ARAP1: variants seen among roughly 807,000 people sequenced by gnomAD.
ARAP1 encodes the protein arf-GAP with Rho-GAP domain, ANK repeat and PH domain-containing protein 1.
ARAP1 carries 76 observed loss-of-function variants against 172.2 expected under a neutral mutation model. The ratio of observed to expected loss-of-function variants is 0.44; its 90% CI spans 0.37 to 0.53. The LOEUF (loss-of-function observed/expected upper bound fraction) is 0.53. Among genes scored for constraint, ARAP1 ranks in the 20% least tolerant of loss-of-function variants. The probability of loss-of-function intolerance (pLI) is 0.00; values close to 1 mark genes in which losing one functional copy is unlikely to be tolerated. For synonymous variants in ARAP1, 804 were observed against 803.3 expected (o/e 1.00, Z -0.01); for missense variants, 1,686 against 1,977.5 (o/e 0.85, Z 2.80).
rs111642961 is a variant in ARAP1 at position 72,712,062 on chromosome 11, A to G, written c.1022+134T>C. ...TCATCAGTGGTCACAGTGTGCCTGGAGGGAGACCTGTGCAAATCATCGCAG... is the reference window on the plus strand; with the variant it reads ...TCATCAGTGGTCACAGTGTGCCTGGGGGGAGACCTGTGCAAATCATCGCAG... On this transcript the variant is annotated intron_variant, in intron 7 of 34. Coordinates refer to ENST00000393609, the MANE Select transcript of ARAP1 (RefSeq NM_001040118.3). 1,922 of 1,249,712 alleles carry G rather than the reference A, an allele frequency of 1.5e-3. 33 individuals are homozygous for G. In the African/African-American group the frequency reaches 0.027, roughly 17 times the overall value. The allele number at this position is 1,249,712 out of a possible 1,614,324, so 77.4% of individuals were successfully genotyped here.
intron 13 of ARAP1, 97 bp from the exon 14 acceptor site, chr11:72,704,431 G>A (rs1049337850): frequency 1.6e-5 from 21 of 1,326,532 alleles, no homozygotes; most frequent in Admixed American, 2.9e-5. Flanking sequence ...AAGGGGCTGG[G>A]AGAGCCAGGC....
rs1327485551 is a variant in ARAP1 at position 72,693,978 on chromosome 11, T to C, written c.3695-173A>G. Among the ~76,000 whole-genome samples, 3 of 152,038 alleles carry C rather than the reference T, an allele frequency of 2.0e-5. No homozygotes were observed. The highest frequency in any genetic ancestry group is 4.8e-5 in the African/African-American group (2 of 41,384). ...CCTTCCCATGACCAAGCTTCAGGCT[T>C]GACACACCTGGCTGTGACCAAAGCT... On this transcript the variant is annotated intron_variant, in intron 27 of 34. Transcript: ENST00000393609. The surrounding 1 kb of genome is among the most constrained non-coding windows in gnomAD (Gnocchi z 4.6).
At chr11:72,720,524 G>A (rs1342354304) in intron 3 of ARAP1, among the ~76,000 whole-genome samples, 1 of 152,188 alleles carries the variant, frequency 6.6e-6, no homozygotes, top group Admixed American at 6.5e-5. Flanking sequence ...GCCGCCAGCA[G>A]TTCCCAGCAC....
In ARAP1 at chr11:72,685,176, GAA is replaced by G. The variant is rs1422306574; in HGVS notation, c.*486_*487del. 1 of 162,854 alleles carries G rather than the reference GAA, an allele frequency of 6.1e-6. No individual in the cohort carries two copies. The highest frequency in any genetic ancestry group is 2.4e-5 in the African/African-American group (1 of 41,574). The allele number at this position is 162,854 out of a possible 1,614,324, so 10.1% of individuals were successfully genotyped here. On this transcript the variant is annotated 3_prime_UTR_variant, in exon 35 of 35. Coordinates refer to ENST00000393609, the MANE Select transcript of ARAP1 (RefSeq NM_001040118.3). The stretch of plus-strand genomic sequence containing the variant: ...CTCAGCCCAGACTGGAAGGAAGGCT[GAA>G]GTCCCCAAAGCGCAGCTCTCAGCCC...
intron 30 of ARAP1, among the ~76,000 whole-genome samples, chr11:72,689,697 T>C (rs944178040): frequency 5.3e-5 from 8 of 152,170 alleles, no homozygotes; most frequent in Non-Finnish European, 1.0e-4. Flanking sequence ...CACTCTGCTT[T>C]TACCCCGATA....
Position 72,707,384 on chromosome 11 carries a change from T to C in ARAP1, c.1524-10A>G, listed in dbSNP as rs574863881. ...TGAGTCAGCAGAGAAGCTGGGGACA[T>C]AGGGGTGGGGAGATTAGTGGGGATG... is the stretch of plus-strand genomic sequence containing the variant. On this transcript the variant is annotated splice_polypyrimidine_tract_variant and intron_variant, in intron 11 of 34. Transcript: ENST00000393609. 1.2e-6 allele frequency: 2 copies of C among 1,607,908 alleles called. No homozygotes were observed. The highest frequency in any genetic ancestry group is 1.1e-5 in the South Asian group (1 of 90,214).
chr11:72,698,710 G>A (rs927430875), intron 18 of ARAP1, among the ~76,000 whole-genome samples: 10 of 152,154 alleles, frequency 6.6e-5, no homozygotes, highest in African/African-American at 2.2e-4. Context: ...TCTGGAGGCC[G>A]CACTGTCCAT....
chr11:72,739,039 G>A (rs527474005), intron 1 of ARAP1, among the ~76,000 whole-genome samples: 10 of 152,294 alleles, frequency 6.6e-5, no homozygotes, highest in African/African-American at 2.2e-4. Context: ...AGGCACTTCC[G>A]CAGATATGAG....
chr11:72,742,890 T>A (rs1264966704), intron 1 of ARAP1, among the ~76,000 whole-genome samples: 1 of 152,210 alleles, frequency 6.6e-6, no homozygotes, highest in African/African-American at 2.4e-5. Context: ...GCAGCCGGCC[T>A]GCCAGGCCTG....
In ARAP1 at chr11:72,714,226, G is replaced by A; in HGVS notation, c.605C>T (p.Pro202Leu). The stretch of plus-strand genomic sequence containing the variant: ...GGGAGGTGGAGAGGGAGGCTGGGGA[G>A]GCCCCTGGGGGAGGGTGGACAGGGG... ...EEPLSTLPQG[P>L]PQPPSPPPCP... Residue 202 changes from proline (P) to leucine (L), a missense_variant, in exon 4 of 35, where the codon CCT (proline) becomes CTT (leucine). Around this residue, in one of 5 missense-constraint regions of ARAP1, gnomAD observed 155 missense variants for 129.2 expected, o/e 1.20. Transcript: ENST00000393609. The A allele has an allele frequency of 6.6e-7, 1 of 1,521,238 alleles. No homozygotes were observed. The highest frequency in any genetic ancestry group is 2.5e-5 in the East Asian group (1 of 39,348). The allele number at this position is 1,521,238 out of a possible 1,614,324, so 94.2% of individuals were successfully genotyped here.
Position 72,685,611 on chromosome 11 carries a change from G to C in ARAP1, c.*53C>G, listed in dbSNP as rs770362708. ...AGGCCTTGGAGCATAAGGGGTGTCTGAACAGAAGGCTTCCAGCGGCGGAAT... is the reference window on the plus strand; with the variant it reads ...AGGCCTTGGAGCATAAGGGGTGTCTCAACAGAAGGCTTCCAGCGGCGGAAT... On this transcript the variant is annotated 3_prime_UTR_variant, in exon 35 of 35. Coordinates refer to ENST00000393609, the MANE Select transcript of ARAP1 (RefSeq NM_001040118.3). The C allele has an allele frequency of 1.5e-5, 24 of 1,613,694 alleles. No homozygotes were observed. Among genetic ancestry groups the C allele is most frequent in the Non-Finnish European group, 1.9e-5 (22 of 1,179,576 alleles).
Position 72,687,472 on chromosome 11 carries a change from G to C in ARAP1, c.4152C>G (p.Leu1384=). The C allele has an allele frequency of 6.2e-7, 1 of 1,614,100 alleles. No homozygotes were observed. Among genetic ancestry groups the C allele is most frequent in the African/African-American group, 1.3e-5 (1 of 75,006 alleles). The change falls in exon 33 of 35, where the codon CTC becomes CTG. Residue 1384 remains leucine, a synonymous_variant. Coordinates refer to ENST00000393609, the MANE Select transcript of ARAP1 (RefSeq NM_001040118.3). Reference sequence around the variant, plus strand: ...ACAGAAAGGTAGCGAACCACTCCCGGAGCTCCATCTGTGTGTCACAGCAGA... The same window carrying C: ...ACAGAAAGGTAGCGAACCACTCCCGCAGCTCCATCTGTGTGTCACAGCAGA... ...WYLCCDTQME[L]REWFATFLFV... is the part of the protein sequence containing the mutation.
At chr11:72,730,686 TGTC>T (rs1328604555) in intron 2 of ARAP1, among the ~76,000 whole-genome samples, 1 of 152,126 alleles carries the variant, frequency 6.6e-6, no homozygotes. Flanking sequence ...GGGGACACTT[TGTC>T]CTCCCGCCTC....
rs770596296 is a variant in ARAP1, at chr11:72,725,396, C to T, written c.509+1224G>A. Among the ~76,000 whole-genome samples the T allele has an allele frequency of 3.6e-4, 55 of 152,024 alleles. No individual in the cohort carries two copies. The highest frequency in any genetic ancestry group is 5.6e-4 in the Non-Finnish European group (38 of 68,000). On this transcript the variant is annotated intron_variant, in intron 3 of 34. Transcript: ENST00000393609. This position sits in a 1 kb window ranked among gnomAD's most constrained non-coding sequence, Gnocchi z 4.3. ...GCTCCTGCATGCAGAAGAATGGTCA[C>T]TAGAGGGCGCAAGGGCACCAGGAAC...
At position 72,710,466 on chromosome 11, in the gene ARAP1, G is replaced by A. The variant is rs1450718499; in HGVS notation, c.1335C>T (p.Gly445=). Residue 445 remains glycine (G), a synonymous_variant, in exon 10 of 35, where the codon GGC becomes GGT. Coordinates refer to ENST00000393609, the MANE Select transcript of ARAP1 (RefSeq NM_001040118.3). The surrounding 1 kb of genome is among the most constrained non-coding windows in gnomAD (Gnocchi z 4.3). ...TCTTGAAGCCACGAAGCTCCAGGCT[G>A]CCAGCGCGGTCAGGCTGCTCTGAGC... The part of the protein sequence containing the change: ...VPGSEQPDRA[G]SLELRGFKNK... 1 of 1,614,120 alleles carries A rather than the reference G, an allele frequency of 6.2e-7. No homozygotes were observed. The highest frequency in any genetic ancestry group is 1.7e-5 in the Admixed American group (1 of 60,026).
Position 72,697,259 on chromosome 11 carries a change from A to C in ARAP1, c.2953+64T>G. ...ATAGAGTCATGGGGCGGGGCCGCGCAGCTCTGGGGCGGGAGGCGGCTCTCC... is the reference window on the plus strand; with the variant it reads ...ATAGAGTCATGGGGCGGGGCCGCGCCGCTCTGGGGCGGGAGGCGGCTCTCC... On this transcript the variant is annotated intron_variant, in intron 21 of 34. Transcript: ENST00000393609. 2.5e-6 allele frequency: 4 copies of C among 1,569,382 alleles called. No individual in the cohort carries two copies. In the South Asian group the frequency reaches 4.5e-5, roughly 18 times the overall value.
chr11:72,689,496 C>G (rs182879113), intron 30 of ARAP1: 1 of 152,320 alleles, frequency 6.6e-6, no homozygotes, highest in African/African-American at 2.4e-5. Flanking sequence ...TGTTCCCCAC[C>G]ATTGCTCCCA....
Position 72,710,087 on chromosome 11 carries a change from C to G in ARAP1, c.1417-111G>C. On this transcript the variant is annotated intron_variant, in intron 10 of 34. Transcript: ENST00000393609. This position sits in a 1 kb window ranked among gnomAD's most constrained non-coding sequence, Gnocchi z 4.3. ...CAACTCAGGGACTGGGGGGGGTGCCCAGGAGGGAGACAGCAGGGGACATGG... is the reference window on the plus strand; with the variant it reads ...CAACTCAGGGACTGGGGGGGGTGCCGAGGAGGGAGACAGCAGGGGACATGG... The G allele has an allele frequency of 1.0e-6, 1 of 1,002,546 alleles. No individual in the cohort carries two copies. The highest frequency in any genetic ancestry group is 1.3e-5 in the South Asian group (1 of 75,798). 62.1% of individuals were successfully genotyped at this position (1,002,546 alleles called of 1,614,324 possible). A position where few individuals can be genotyped will look rare whatever the true frequency, so the allele number is the denominator to read the frequency against.
rs778865505 is a variant in ARAP1 at position 72,702,914 on chromosome 11, G to C, written c.2158C>G (p.Arg720Gly). ...CCTCTGCCACGCTCACCTGTGGTCC[G>C]GTTGTTCCGAAGGAATTCCATCTGC... ...TLQMEFLRNN[R>G]TTEVPRLDSM... The change falls in exon 15 of 35, where the codon CGG (arginine) becomes GGG (glycine). Residue 720 changes from arginine (R) to glycine (G), a missense_variant. Physicochemically the swap from Arg to Gly is moderately radical, Grantham distance 125 (BLOSUM62 -2). Coordinates refer to ENST00000393609, the MANE Select transcript of ARAP1 (RefSeq NM_001040118.3). 4 of 1,554,488 alleles carry C rather than the reference G, an allele frequency of 2.6e-6. No individual in the cohort carries two copies. Among genetic ancestry groups the C allele is most frequent in the Admixed American group, 3.9e-5 (2 of 51,348 alleles).
Sources: gnomAD v4.1 joint callset for allele counts (sites outside exome capture counted in the v4.1 genomes callset) on GRCh38, gnomAD v4.1.1 for gene constraint, gnomAD v4.1.1 regional missense constraint, Gnocchi (gnomAD v3.1) non-coding constraint, MANE v1.5 for transcripts, NCBI Gene and HGNC (gene_info 2026-07-23, HGNC 2026-07-21) for gene names.